Variants in PALLD observed in about 807,000 individuals in gnomAD.
PALLD encodes the protein palladin, cytoskeletal associated protein, also known as palladin.
PALLD carries 61 observed loss-of-function variants against 123.5 expected under a neutral mutation model. The observed-to-expected ratio is 0.49, with a 90% confidence interval of 0.40 to 0.61. The LOEUF (loss-of-function observed/expected upper bound fraction) is 0.61, where lower values mean the gene tolerates loss of function less well. PALLD is among the 20% of genes least tolerant of loss of function. The pLI, the probability that PALLD is intolerant of heterozygous loss-of-function variation, is 0.00. For synonymous variants in PALLD, 465 were observed against 496.4 expected (o/e 0.94, Z 0.84); for missense variants, 1,273 against 1,377.0 (o/e 0.92, Z 1.20).
chr4:168,712,435 A>G (rs575835570), intron 10 of PALLD, among the ~76,000 whole-genome samples: 1 of 152,354 alleles, frequency 6.6e-6, no homozygotes, highest in East Asian at 1.9e-4. Context: ...GTGGGCAAGA[A>G]GAGCGCCCTT....
chr4:168,664,448 T>A (rs1779427835), intron 2 of PALLD, among the ~76,000 whole-genome samples: 4 of 152,216 alleles, frequency 2.6e-5, no homozygotes, highest in Admixed American at 2.6e-4. Context: ...AGCAACCGCA[T>A]ATGGCAAAAT....
intron 12 of PALLD, among the ~76,000 whole-genome samples, chr4:168,895,227 C>A (rs1310192911): frequency 6.6e-6 from 1 of 152,046 alleles, no homozygotes; most frequent in East Asian, 1.9e-4. Flanking sequence ...ACTAAAAATA[C>A]AAAAATTAGC....
At chr4:168,818,515 A>C (rs1315713600) in intron 10 of PALLD, among the ~76,000 whole-genome samples, 4 of 152,158 alleles carry the variant, frequency 2.6e-5, no homozygotes, top group Non-Finnish European at 2.9e-5. Flanking sequence ...TGGGCCCAGG[A>C]GGTCAAGACT....
rs1053549276 is a variant in PALLD at position 168,758,883 on chromosome 4, A to AT, written c.1964+46961dup. ...CAAATGGATTTCTTAGATTAAAAGT[A>AT]TAAAAACAAGGCTGGGCATGGTGGC... On this transcript the variant is annotated intron_variant, in intron 10 of 21. Coordinates refer to ENST00000505667, the MANE Select transcript of PALLD (RefSeq NM_001166108.2). Among the ~76,000 whole-genome samples the AT allele has an allele frequency of 1.2e-3, 176 of 152,008 alleles. 1 individual carries two copies. The highest frequency in any genetic ancestry group is 2.0e-3 in the Non-Finnish European group (138 of 67,988).
chr4:168,694,834 G>C (rs906097459), intron 8 of PALLD, among the ~76,000 whole-genome samples: 1 of 152,192 alleles, frequency 6.6e-6, no homozygotes, highest in African/African-American at 2.4e-5. Context: ...TTAATAGCTA[G>C]TCAGCTTACT....
At chr4:168,871,741 A>C (rs995663258) in intron 10 of PALLD, among the ~76,000 whole-genome samples, 1 of 152,218 alleles carries the variant, frequency 6.6e-6, no homozygotes, top group Non-Finnish European at 1.5e-5. Flanking sequence ...TTCCTCCCCC[A>C]AAAAGAGGCT....
At chr4:168,836,620 G>T (rs1745231258) in intron 10 of PALLD, among the ~76,000 whole-genome samples, 1 of 152,274 alleles carries the variant, frequency 6.6e-6, no homozygotes, top group South Asian at 2.1e-4. Context: ...AGAGAACGGG[G>T]ATCAGGCAAA....
At chr4:168,598,301 T>C in intron 2 of PALLD, 3 of 420,288 alleles carry the variant, frequency 7.1e-6, no homozygotes, top group Middle Eastern at 8.8e-4. Context: ...AACATCCTCC[T>C]CCTCATCATT....
At chr4:168,508,751 T>C (rs958835536) in intron 1 of PALLD, among the ~76,000 whole-genome samples, 1 of 150,696 alleles carries the variant, frequency 6.6e-6, no homozygotes, top group African/African-American at 2.5e-5. Context: ...TGTTGTGCCT[T>C]TGGTACACAA....
intron 9 of PALLD, among the ~76,000 whole-genome samples, chr4:168,709,554 GGAAGGAAGGAAGGAAGGAAGGA>G (rs1784560131): frequency 0.058 from 43 of 742 alleles, 3 homozygotes; most frequent in Non-Finnish European, 0.077. Flanking sequence ...AAGGAAGGAA[GGAAGGAAGGAAGGAAGGAAGGA>G]AGGAAGGAAG....
intron 10 of PALLD, among the ~76,000 whole-genome samples, chr4:168,785,325 T>G (rs368229108): frequency 1.3e-5 from 2 of 152,092 alleles, no homozygotes; most frequent in East Asian, 3.9e-4. Flanking sequence ...ATCACAGTCC[T>G]TGTTCCTGCC....
At chr4:168,537,620 A>G (rs778321316) in intron 2 of PALLD, 6 of 152,208 alleles carry the variant, frequency 3.9e-5, no homozygotes, top group Non-Finnish European at 8.8e-5. Flanking sequence ...TGAGACTGTC[A>G]AGGTTTGGCT....
At chr4:168,552,004 C>G (rs1441707659) in intron 2 of PALLD, among the ~76,000 whole-genome samples, 2 of 152,092 alleles carry the variant, frequency 1.3e-5, no homozygotes, top group Non-Finnish European at 2.9e-5. Flanking sequence ...GGTACTACTC[C>G]ACAAGGGTAA....
intron 10 of PALLD, among the ~76,000 whole-genome samples, chr4:168,866,033 A>G (rs2151055645): frequency 6.6e-6 from 1 of 152,102 alleles, no homozygotes; most frequent in Middle Eastern, 3.4e-3. Context: ...TAATCCCAGC[A>G]CTTGGGGAGG....
In PALLD at chr4:168,709,044, A is replaced by G. The variant is rs754542597; in HGVS notation, c.1518A>G (p.Leu506=). The G allele has an allele frequency of 3.1e-6, 5 of 1,613,366 alleles. No individual in the cohort carries two copies. The highest frequency in any genetic ancestry group is 1.7e-5 in the Admixed American group (1 of 60,020). ...STAEPEEICT[L]VIAETFPEDA... is the part of the protein sequence containing the mutation. ...CACTTCCAGAGGAGATTTGCACCCT[A>G]GTTATCGCTGAGACTTTCCCTGAAG... The change falls in exon 9 of 22, where the codon CTA becomes CTG. Residue 506 remains leucine, a synonymous_variant. Transcript: ENST00000505667.
intron 10 of PALLD, among the ~76,000 whole-genome samples, chr4:168,735,007 G>GA (rs1207881884): frequency 1.3e-5 from 2 of 152,150 alleles, no homozygotes; most frequent in African/African-American, 4.8e-5. Flanking sequence ...GCAATGTTCT[G>GA]AAATGTCTAC....
intron 10 of PALLD, among the ~76,000 whole-genome samples, chr4:168,876,103 G>T (rs1751707733): frequency 6.6e-6 from 1 of 152,212 alleles, no homozygotes; most frequent in African/African-American, 2.4e-5. Context: ...TCAGCTGAAG[G>T]GTGTGGAAGA....
At chr4:168,887,475 G>C (rs1257689901) in intron 10 of PALLD, among the ~76,000 whole-genome samples, 1 of 152,194 alleles carries the variant, frequency 6.6e-6, no homozygotes, top group Non-Finnish European at 1.5e-5. Context: ...TTTGTGCTGA[G>C]AACACAGCTC....
chr4:168,699,005 G>A lies in PALLD; in HGVS notation c.1501+7713G>A, dbSNP rs79236260. Among the ~76,000 whole-genome samples, 978 of 152,138 alleles carry A rather than the reference G, an allele frequency of 6.4e-3. 10 individuals carry two copies. Among genetic ancestry groups the A allele is most frequent in the African/African-American group, 0.022 (900 of 41,514 alleles). ...ACAGGGGTTCATTTCACTGTTATTC[G>A]TTAAATGGTACATTTTAAATATCCT... On this transcript the variant is annotated intron_variant, in intron 8 of 21. Coordinates refer to ENST00000505667, the MANE Select transcript of PALLD (RefSeq NM_001166108.2).
Sources: gnomAD v4.1 joint callset for allele counts (sites outside exome capture counted in the v4.1 genomes callset) on GRCh38, gnomAD v4.1.1 for gene constraint, MANE v1.5 for transcripts, NCBI Gene and HGNC (gene_info 2026-07-23, HGNC 2026-07-21) for gene names.